Variants in RPS6KB1 observed in about 807,000 individuals in gnomAD.
The protein encoded by RPS6KB1 is ribosomal protein S6 kinase B1, also known as ribosomal protein S6 kinase beta-1.
In RPS6KB1, 12 loss-of-function variants were observed where a neutral mutation model predicts 70.2. That is an observed-to-expected ratio of 0.17 (90% confidence interval 0.11 to 0.28). RPS6KB1 has a LOEUF of 0.28. RPS6KB1 is among the 10% of genes least tolerant of loss of function. The probability of loss-of-function intolerance (pLI) is 1.00; values close to 1 mark genes in which losing one functional copy is unlikely to be tolerated. For synonymous variants in RPS6KB1, 175 were observed against 211.2 expected, an observed-to-expected ratio of 0.83 and a Z score of 1.49; for missense variants, 270 against 646.6, an observed-to-expected ratio of 0.42 and a Z score of 6.32.
intron 4 of RPS6KB1, among the ~76,000 whole-genome samples, chr17:59,915,669 T>C (rs1401002390): frequency 6.6e-6 from 1 of 150,828 alleles, no homozygotes; most frequent in Non-Finnish European, 1.5e-5. Flanking sequence ...TTTCACCATA[T>C]TGGCCAGGCT....
chr17:59,920,868 T>C (rs1430398990), intron 4 of RPS6KB1, among the ~76,000 whole-genome samples: 1 of 152,124 alleles, frequency 6.6e-6, no homozygotes, highest in Non-Finnish European at 1.5e-5. Flanking sequence ...CTGGCTAATT[T>C]TTGTACTTTT....
At chr17:59,912,853 G>C (rs1417219297) in intron 3 of RPS6KB1, 49 bp downstream of exon 3, 1 of 1,588,864 alleles carries the variant, frequency 6.3e-7, no homozygotes, top group African/African-American at 1.3e-5. Context: ...TGAATAGATT[G>C]ATTTTTATGC....
rs1370071518 is a variant in RPS6KB1 at position 59,910,825 on chromosome 17, A to G, written c.191+214A>G. ...TATGGATTTTGAGGAAAAGATATTAATTCAGATTCAGAGTACTAAATATGA... is the reference window on the plus strand; with the variant it reads ...TATGGATTTTGAGGAAAAGATATTAGTTCAGATTCAGAGTACTAAATATGA... On this transcript the variant is annotated intron_variant, in intron 2 of 14. Coordinates refer to ENST00000225577, the MANE Select transcript of RPS6KB1 (RefSeq NM_003161.4). Among the ~76,000 whole-genome samples the G allele has an allele frequency of 2.0e-5, 3 of 152,372 alleles. No homozygotes were observed. In the East Asian group the frequency reaches 5.8e-4, roughly 29 times the overall value.
chr17:59,910,214 G>C (rs2144770978), intron 1 of RPS6KB1, among the ~76,000 whole-genome samples: 1 of 151,460 alleles, frequency 6.6e-6, no homozygotes, highest in Non-Finnish European at 1.5e-5. Context: ...AAAAAACCCG[G>C]GTGCCTATAG....
chr17:59,945,342 A>C, intron 13 of RPS6KB1, 64 bp from the exon 14 acceptor site: 2 of 842,160 alleles, frequency 2.4e-6, no homozygotes, highest in Non-Finnish European at 4.0e-6. Flanking sequence ...CAGACTGAAC[A>C]ACCCCATTCT....
intron 1 of RPS6KB1, among the ~76,000 whole-genome samples, chr17:59,908,319 A>C (rs1282048581): frequency 6.6e-6 from 1 of 150,762 alleles, no homozygotes; most frequent in African/African-American, 2.4e-5. Flanking sequence ...CAGCCTCCCG[A>C]GTTGTTGGGA....
chr17:59,933,616 G>A (rs1286585201), intron 7 of RPS6KB1, among the ~76,000 whole-genome samples: 9 of 152,200 alleles, frequency 5.9e-5, no homozygotes, highest in Admixed American at 5.9e-4. Context: ...TTCTGGATCA[G>A]TGATGATTGA....
At chr17:59,915,070 C>A (rs948600970) in intron 4 of RPS6KB1, among the ~76,000 whole-genome samples, 11 of 151,768 alleles carry the variant, frequency 7.2e-5, no homozygotes, top group Non-Finnish European at 1.6e-4. Context: ...CTCACTGCAA[C>A]CTCCACCTCC....
chr17:59,904,987 G>T (rs927598203), intron 1 of RPS6KB1, among the ~76,000 whole-genome samples: 2 of 151,956 alleles, frequency 1.3e-5, no homozygotes, highest in Admixed American at 1.3e-4. Context: ...GAGCGACTGC[G>T]CCTGGCTGCA....
Position 59,926,518 on chromosome 17 carries a change from C to T in RPS6KB1, c.465C>T (p.Ile155=), listed in dbSNP as rs2043616789. The T allele has an allele frequency of 3.1e-6, 5 of 1,611,752 alleles. No individual in the cohort carries two copies. Among genetic ancestry groups the T allele is most frequent in the East Asian group, 2.2e-5 (1 of 44,816 alleles). The change falls in exon 5 of 15, where the codon ATC becomes ATT. Residue 155 remains isoleucine, a synonymous_variant. Transcript: ENST00000225577. ...TGGAGGAAGTAAAGCATCCCTTCAT[C>T]GTGGATTTAATTTATGCCTTTCAGA... ...NILEEVKHPF[I]VDLIYAFQTG...
At chr17:59,899,647 A>G (rs907890084) in intron 1 of RPS6KB1, among the ~76,000 whole-genome samples, 14 of 152,200 alleles carry the variant, frequency 9.2e-5, no homozygotes, top group African/African-American at 3.1e-4. Flanking sequence ...AAAACCTTTA[A>G]CCATGACCAC....
intron 4 of RPS6KB1, among the ~76,000 whole-genome samples, chr17:59,922,858 A>T (rs1432425886): frequency 1.4e-5 from 2 of 146,984 alleles, no homozygotes; most frequent in African/African-American, 5.0e-5. Context: ...ACTCTCTTTT[A>T]AAAAAATTTG....
intron 1 of RPS6KB1, among the ~76,000 whole-genome samples, chr17:59,900,230 A>ACACACACACC (rs1355022894): frequency 8.4e-4 from 115 of 136,794 alleles, no homozygotes; most frequent in South Asian, 4.3e-3. Context: ...ACACACACAC[A>ACACACACACC]CCCCTATGTG....
chr17:59,907,366 G>C (rs1041048471), intron 1 of RPS6KB1: 1 of 152,054 alleles, frequency 6.6e-6, no homozygotes, highest in Non-Finnish European at 1.5e-5. Flanking sequence ...AAGGAACCTG[G>C]GGTTTTGATA....
chr17:59,924,811 T>TTTTTATTTTA (rs2043502342), intron 4 of RPS6KB1, among the ~76,000 whole-genome samples: 1 of 148,608 alleles, frequency 6.7e-6, no homozygotes, highest in African/African-American at 2.5e-5. Flanking sequence ...CTTATTTTTA[T>TTTTTATTTTA]TTTATTTATT....
chr17:59,946,873 T>A lies in RPS6KB1; in HGVS notation c.*85T>A. On this transcript the variant is annotated 3_prime_UTR_variant, in exon 15 of 15. Transcript: ENST00000225577. The surrounding 1 kb of genome is among the most constrained non-coding windows in gnomAD (Gnocchi z 4.2). ...TCCTGCAAGGTGAAACGACTCAAAA[T>A]GACAGTTTCAGAGAGTCAATGTCAT... 1 of 1,586,388 alleles carries A rather than the reference T, an allele frequency of 6.3e-7. No homozygotes were observed.
At chr17:59,911,538 G>GTTTTTTTTTT (rs1184826889) in intron 2 of RPS6KB1, among the ~76,000 whole-genome samples, 7 of 74,738 alleles carry the variant, frequency 9.4e-5, no homozygotes, top group East Asian at 4.9e-4. Context: ...TTTTTGTTGG[G>GTTTTTTTTTT]TTTTTTTTTT....
intron 1 of RPS6KB1, among the ~76,000 whole-genome samples, chr17:59,910,280 G>A (rs2144771582): frequency 6.6e-6 from 1 of 151,714 alleles, no homozygotes; most frequent in Admixed American, 6.6e-5. Flanking sequence ...TTAAGGCTCT[G>A]GTATGCTATG....
intron 1 of RPS6KB1, among the ~76,000 whole-genome samples, chr17:59,894,253 CT>C (rs1166860429): frequency 6.6e-6 from 1 of 152,072 alleles, no homozygotes; most frequent in Non-Finnish European, 1.5e-5. Context: ...GTTTGTTAAT[CT>C]TTATGGAATA....
Sources: gnomAD v4.1 joint callset for allele counts (sites outside exome capture counted in the v4.1 genomes callset) on GRCh38, gnomAD v4.1.1 for gene constraint, Gnocchi (gnomAD v3.1) non-coding constraint, MANE v1.5 for transcripts, NCBI Gene and HGNC (gene_info 2026-07-23, HGNC 2026-07-21) for gene names.